Variants in BBS9 observed in about 807,000 individuals in gnomAD.
BBS9 encodes protein PTHB1.
Under a neutral mutation model 117.7 loss-of-function variants are expected in BBS9, and 89 were observed. The observed-to-expected ratio is 0.76, with a 90% confidence interval of 0.64 to 0.90. The LOEUF (loss-of-function observed/expected upper bound fraction) is 0.90. BBS9 is among the 40% of genes least tolerant of loss of function. The pLI is 0.00. For synonymous variants in BBS9, 379 were observed against 370.9 expected (o/e 1.02, Z -0.25); for missense variants, 982 against 1,042.2 (o/e 0.94, Z 0.80).
At chr7:33,618,844 C>A (rs908399505) in intron 21 of BBS9, among the ~76,000 whole-genome samples, 2 of 152,028 alleles carry the variant, frequency 1.3e-5, no homozygotes, top group African/African-American at 2.4e-5. Context: ...CACACATACA[C>A]ACACACATGA....
intron 21 of BBS9, among the ~76,000 whole-genome samples, chr7:33,621,740 A>G (rs1235072186): frequency 1.3e-5 from 2 of 152,210 alleles, no homozygotes; most frequent in Non-Finnish European, 2.9e-5. Flanking sequence ...TTATTGCACC[A>G]TTATTCACCA....
intron 19 of BBS9, among the ~76,000 whole-genome samples, chr7:33,462,350 T>G (rs372235704): frequency 5.9e-5 from 9 of 152,238 alleles, no homozygotes; most frequent in African/African-American, 2.2e-4. Flanking sequence ...AAAGTTTTTT[T>G]GACAAGAAAT....
intron 19 of BBS9, among the ~76,000 whole-genome samples, chr7:33,427,077 G>C (rs1563161556): frequency 6.6e-6 from 1 of 152,078 alleles, no homozygotes; most frequent in East Asian, 1.9e-4. Flanking sequence ...TTCTTCTCCT[G>C]TAACACAACC....
intron 19 of BBS9, among the ~76,000 whole-genome samples, chr7:33,502,408 A>G (rs145977275): frequency 9.2e-5 from 14 of 152,312 alleles, no homozygotes; most frequent in Non-Finnish European, 1.9e-4. Context: ...AAGAAATGTA[A>G]ACCGTAGCCC....
At position 33,130,323 on chromosome 7, in the gene BBS9, T is replaced by TA. The variant is rs765464389; in HGVS notation, c.-12+285dup. 2.2e-3 allele frequency among the ~76,000 whole-genome samples: 339 copies of TA among 152,156 alleles called. 4 individuals carry two copies. The highest frequency in any genetic ancestry group is 1.3e-3 in the Non-Finnish European group (87 of 67,988). ...TGAGACACTTCAACAGGTCTGTGAG[T>TA]AAATGGGCAAAGCAGTTCCCAGCCT... is the stretch of plus-strand genomic sequence containing the variant. On this transcript the variant is annotated intron_variant, in intron 1 of 22. Transcript: ENST00000242067.
intron 10 of BBS9, among the ~76,000 whole-genome samples, chr7:33,338,865 A>G (rs1435902381): frequency 6.6e-6 from 1 of 152,172 alleles, no homozygotes; most frequent in African/African-American, 2.4e-5. Context: ...TGGCATGAGT[A>G]TGAAGGACTG....
chr7:33,595,259 T>C (rs2129185411), intron 21 of BBS9, among the ~76,000 whole-genome samples: 1 of 152,170 alleles, frequency 6.6e-6, no homozygotes, highest in East Asian at 1.9e-4. Flanking sequence ...TAACAGGCAA[T>C]GTACAGAATA....
intron 18 of BBS9, 82 bp from the exon 19 acceptor site, chr7:33,387,902 CTTTTACTT>C: frequency 4.2e-6 from 6 of 1,429,418 alleles, no homozygotes; most frequent in Non-Finnish European, 5.9e-6. Context: ...CTTCATTACT[CTTTTACTT>C]TTATTATCAT....
At chr7:33,571,581 A>G (rs906471086) in intron 21 of BBS9, among the ~76,000 whole-genome samples, 1 of 151,878 alleles carries the variant, frequency 6.6e-6, no homozygotes, top group African/African-American at 2.4e-5. Context: ...TTTAATTTTT[A>G]TCTATAATTA....
At chr7:33,603,127 G>A (rs1864053681) in intron 21 of BBS9, among the ~76,000 whole-genome samples, 2 of 152,140 alleles carry the variant, frequency 1.3e-5, no homozygotes, top group Non-Finnish European at 1.5e-5. Flanking sequence ...TCATCTGTTG[G>A]CTGGGGGACG....
chr7:33,331,679 A>G (rs918976721), intron 9 of BBS9, among the ~76,000 whole-genome samples: 2 of 147,158 alleles, frequency 1.4e-5, no homozygotes, highest in Admixed American at 6.8e-5. Flanking sequence ...AAAAAAAACC[A>G]CACACACACA....
At chr7:33,617,295 A>G (rs942922011) in intron 21 of BBS9, among the ~76,000 whole-genome samples, 2 of 152,172 alleles carry the variant, frequency 1.3e-5, no homozygotes, top group Non-Finnish European at 2.9e-5. Flanking sequence ...GGAGAAGTAT[A>G]TACCATAACA....
chr7:33,478,709 T>A (rs541671660), intron 19 of BBS9, among the ~76,000 whole-genome samples: 1 of 152,248 alleles, frequency 6.6e-6, no homozygotes, highest in African/African-American at 2.4e-5. Flanking sequence ...TTTTTGTTTG[T>A]TTTTCTTTTT....
chr7:33,364,544 TCTGA>T, intron 16 of BBS9, among the ~76,000 whole-genome samples: 1 of 152,166 alleles, frequency 6.6e-6, no homozygotes, highest in Non-Finnish European at 1.5e-5. Flanking sequence ...TTTCTAATAA[TCTGA>T]CTTTGAGTTC....
chr7:33,603,376 G>A (rs1340891239), intron 21 of BBS9, among the ~76,000 whole-genome samples: 3 of 152,028 alleles, frequency 2.0e-5, no homozygotes, highest in Admixed American at 1.3e-4. Flanking sequence ...TTTTTACTCA[G>A]TTGGATGAGT....
intron 9 of BBS9, among the ~76,000 whole-genome samples, chr7:33,335,246 A>G (rs1345483961): frequency 6.6e-6 from 1 of 152,094 alleles, no homozygotes; most frequent in African/African-American, 2.4e-5. Flanking sequence ...ATTTTTGTTT[A>G]CTTTTAGAGA....
chr7:33,139,721 G>A (rs1791136366), intron 1 of BBS9, among the ~76,000 whole-genome samples: 1 of 147,082 alleles, frequency 6.8e-6, no homozygotes, highest in African/African-American at 2.4e-5. Flanking sequence ...CCCCCTTTGA[G>A]TGTTGTATAG....
At chr7:33,619,092 A>G (rs1474470519) in intron 21 of BBS9, among the ~76,000 whole-genome samples, 1 of 152,188 alleles carries the variant, frequency 6.6e-6, no homozygotes, top group Non-Finnish European at 1.5e-5. Flanking sequence ...ACACAACTAC[A>G]TGCAGCATAG....
At chr7:33,378,514 G>A (rs1489824634) in intron 17 of BBS9, among the ~76,000 whole-genome samples, 4 of 152,284 alleles carry the variant, frequency 2.6e-5, no homozygotes, top group Middle Eastern at 3.4e-3. Context: ...CCAATATGGG[G>A]GGATTGAGAT....
Sources: allele counts gnomAD v4.1 joint callset (sites outside exome capture counted in the v4.1 genomes callset), GRCh38; gene constraint gnomAD v4.1.1; transcripts MANE v1.5; gene names NCBI Gene and HGNC (gene_info 2026-07-23, HGNC 2026-07-21).